TLE6: variants seen among roughly 807,000 people sequenced by gnomAD.
TLE6 encodes the protein TLE family member 6, subcortical maternal complex member, also known as transducin-like enhancer protein 6.
In TLE6, 72 loss-of-function variants were observed where a neutral mutation model predicts 77.1. That is an observed-to-expected ratio of 0.93 (90% confidence interval 0.77 to 1.14). The LOEUF is 1.14. TLE6 is among the 50% of genes most tolerant of loss of function. The pLI, the probability that TLE6 is intolerant of heterozygous loss-of-function variation, is 0.00. For missense variants in TLE6, 843 were observed against 747.6 expected (o/e 1.13, Z -1.49); for synonymous variants, 366 against 287.3 (o/e 1.27, Z -2.77).
rs751489659 is a variant in TLE6, at chr19:2,989,727, G to T, written c.1186G>T (p.Ala396Ser). 1.9e-6 allele frequency: 3 copies of T among 1,614,204 alleles called. No individual in the cohort carries two copies. The South Asian group carries it at 3.3e-5, about 18-fold the overall frequency. Residue 396 changes from alanine (A) to serine (S), a missense_variant, in exon 13 of 17, where the codon GCC becomes TCC. Ala to Ser is a moderately conservative substitution (Grantham distance 99). Transcript: ENST00000246112. ...DANLDANLAF[A>S]SFTSGVVRIW... ...CAACCTGGATGCCAACCTGGCCTTC[G>T]CCAGCTTCACCAGTGGTGTGGTCAG...
chr19:2,992,793 A>AACGTGG (rs1487334518), intron 14 of TLE6, among the ~76,000 whole-genome samples: 2 of 19,754 alleles, frequency 1.0e-4, no homozygotes, highest in African/African-American at 5.2e-4. Flanking sequence ...AAAAAAAAAA[A>AACGTGG]GGGGGGGAGG....
At chr19:2,994,197 C>A in intron 16 of TLE6, 102 bp downstream of exon 16, 1 of 962,216 alleles carries the variant, frequency 1.0e-6, no homozygotes, top group South Asian at 1.6e-5. Context: ...AAAAAGTAGC[C>A]AGGTGTGGTG....
chr19:2,993,811 C>G (rs993251915), intron 15 of TLE6, among the ~76,000 whole-genome samples: 2 of 151,906 alleles, frequency 1.3e-5, no homozygotes, highest in Non-Finnish European at 2.9e-5. Context: ...CCGCCCTTCC[C>G]CCTTCAGCCA....
chr19:2,989,487 C>T (rs1034852958), intron 12 of TLE6, 48 bp from the exon 13 acceptor site: 2 of 1,586,126 alleles, frequency 1.3e-6, no homozygotes, highest in African/African-American at 1.3e-5. Context: ...GCAGTCCAGG[C>T]AGAATGCCAC....
At chr19:2,988,228 G>C (rs1263772405) in intron 11 of TLE6, 100 bp downstream of exon 11, 1 of 1,230,852 alleles carries the variant, frequency 8.1e-7, no homozygotes, top group African/African-American at 1.5e-5. Flanking sequence ...GAACAGAGGT[G>C]TAAGACTTTC....
intron 5 of TLE6, among the ~76,000 whole-genome samples, chr19:2,983,082 C>A (rs1027733343): frequency 6.6e-6 from 1 of 152,134 alleles, no homozygotes; most frequent in African/African-American, 2.4e-5. Context: ...GATTTTCCGC[C>A]TGTGCCAGAT....
rs533209467 is a variant in TLE6 at position 2,984,804 on chromosome 19, C to A, written c.223-2025C>A. Among the ~76,000 whole-genome samples, 9 of 152,122 alleles carry A rather than the reference C, an allele frequency of 5.9e-5. 1 individual carries two copies. The South Asian group carries it at 1.5e-3, about 25-fold the overall frequency. ...ACTTTGAACATGGCTACTAGACATTCCATATGCATGACTATATTTATGTAT... is the reference window on the plus strand; with the variant it reads ...ACTTTGAACATGGCTACTAGACATTACATATGCATGACTATATTTATGTAT... On this transcript the variant is annotated intron_variant, in intron 5 of 16. Coordinates refer to ENST00000246112, the MANE Select transcript of TLE6 (RefSeq NM_001143986.2).
intron 13 of TLE6, among the ~76,000 whole-genome samples, chr19:2,991,396 A>ATATATG (rs34738322): frequency 1.8e-5 from 1 of 57,138 alleles, no homozygotes; most frequent in Non-Finnish European, 4.4e-5. Context: ...ATATATATAT[A>ATATATG]CACACACACA....
At chr19:2,978,402 T>TA in intron 2 of TLE6, 118 bp downstream of exon 2, 1 of 973,534 alleles carries the variant, frequency 1.0e-6, no homozygotes, top group Non-Finnish European at 1.6e-6. Context: ...CTGAAGACAA[T>TA]ACTGGTCGCT....
chr19:2,989,635 C>T lies in TLE6; in HGVS notation c.1094C>T (p.Ala365Val), dbSNP rs1197025715. The T allele has an allele frequency of 6.2e-6, 10 of 1,614,166 alleles. No homozygotes were observed. The highest frequency in any genetic ancestry group is 2.2e-5 in the East Asian group (1 of 44,882). The change falls in exon 13 of 17, where the codon GCG (alanine) becomes GTG (valine). Residue 365 changes from alanine (A) to valine (V), a missense_variant. Physicochemically the swap from Ala to Val is moderately conservative, Grantham distance 64 (BLOSUM62 0). Coordinates refer to ENST00000246112, the MANE Select transcript of TLE6 (RefSeq NM_001143986.2). ...GCCAGCGTGAGCGTGTGGGACCTGG[C>T]GGCGCCCTCCCTGCATGTGAAGGAG... Reference protein sequence around the residue: ...NLASVSVWDLAAPSLHVKEQL... With the variant: ...NLASVSVWDLVAPSLHVKEQL...
chr19:2,992,937 C>T (rs1268055093), intron 14 of TLE6, among the ~76,000 whole-genome samples: 1 of 149,712 alleles, frequency 6.7e-6, no homozygotes, highest in Non-Finnish European at 1.5e-5. Flanking sequence ...GCCTGTAATC[C>T]CAGCCCTTTG....
At chr19:2,979,964 CAAAAAAA>C (rs58993753) in intron 2 of TLE6, 129 bp from the exon 3 acceptor site, 10 of 367,224 alleles carry the variant, frequency 2.7e-5, no homozygotes, top group South Asian at 1.2e-4. Flanking sequence ...ACTCGGTTTC[CAAAAAAA>C]AAAAAAAAAG....
In TLE6 at chr19:2,991,998, G is replaced by GA. The variant is rs754482947; in HGVS notation, c.1386+15dup. On this transcript the variant is annotated intron_variant, in intron 14 of 16. Transcript: ENST00000246112. ...TTCAAGTCTCAGGTGCGGAGGCCGG[G>GA]ATGGGGTCTGCTTGGCCAGGCATCC... The GA allele has an allele frequency of 3.1e-6, 5 of 1,611,934 alleles. No individual in the cohort carries two copies. Among genetic ancestry groups the GA allele is most frequent in the Admixed American group, 3.3e-5 (2 of 59,948 alleles).
chr19:2,982,776 G>A (rs920780502), intron 5 of TLE6, among the ~76,000 whole-genome samples: 2 of 152,102 alleles, frequency 1.3e-5, no homozygotes, highest in Non-Finnish European at 2.9e-5. Flanking sequence ...GCTTCCAAGA[G>A]AGGGTCAGTC....
chr19:2,979,983 A>G (rs1227628580), intron 2 of TLE6, 117 bp from the exon 3 acceptor site: 3 of 750,364 alleles, frequency 4.0e-6, no homozygotes, highest in East Asian at 3.3e-5. Context: ...AAAAAAAAGC[A>G]AAAACCACAA....
intron 15 of TLE6, among the ~76,000 whole-genome samples, chr19:2,993,791 C>T (rs1020874636): frequency 5.9e-5 from 9 of 151,782 alleles, no homozygotes; most frequent in Non-Finnish European, 7.4e-5. Flanking sequence ...CCCACCGGCG[C>T]GGTCCGCCTC....
intron 14 of TLE6, 30 bp from the exon 15 acceptor site, chr19:2,993,402 G>T (rs751230336): frequency 1.3e-6 from 2 of 1,577,262 alleles, no homozygotes; most frequent in South Asian, 2.3e-5. Flanking sequence ...ACCTAACCAG[G>T]TTCCTCCCTC....
At chr19:2,982,903 C>G (rs1297989982) in intron 5 of TLE6, among the ~76,000 whole-genome samples, 1 of 152,104 alleles carries the variant, frequency 6.6e-6, no homozygotes, top group African/African-American at 2.4e-5. Context: ...CCCTGCGTGT[C>G]TGAGTGTTCA....
At position 2,987,901 on chromosome 19, in the gene TLE6, C is replaced by T. The variant is rs1599162057; in HGVS notation, c.629C>T (p.Pro210Leu). ...TDPCPEDASTPRPPEASSSPP... is the reference protein window; with the variant it reads ...TDPCPEDASTLRPPEASSSPP... ...GCCCCTCTTGTCTCCCCACTAGCCC[C>T]CAGGCCACCTGAGGCCTCCTCCAGT... The change falls in exon 10 of 17, where the codon CCC becomes CTC. Residue 210 changes from proline to leucine, a missense_variant. Pro to Leu is a moderately conservative substitution (Grantham distance 98). Transcript: ENST00000246112. The T allele has an allele frequency of 2.5e-6, 4 of 1,609,806 alleles. No individual in the cohort carries two copies. In the East Asian group the frequency reaches 8.9e-5, roughly 36 times the overall value.
Sources: allele counts gnomAD v4.1 joint callset (sites outside exome capture counted in the v4.1 genomes callset), GRCh38; gene constraint gnomAD v4.1.1; transcripts MANE v1.5; gene names NCBI Gene and HGNC (gene_info 2026-07-23, HGNC 2026-07-21).